Variants in ZNF600 observed in about 807,000 individuals in gnomAD.
ZNF600 encodes zinc finger protein 600, also known as zinc finger protein KR-ZNF1.
In ZNF600, 4 loss-of-function variants were observed where a neutral mutation model predicts 7.3. The ratio of observed to expected loss-of-function variants is 0.55; its 90% CI spans 0.27 to 1.25. The LOEUF is 1.25. ZNF600 is among the 50% of genes most tolerant of loss of function. The pLI is 0.12. For synonymous variants in ZNF600, 290 were observed against 308.9 expected, an observed-to-expected ratio of 0.94 and a Z score of 0.64; for missense variants, 911 against 922.1, an observed-to-expected ratio of 0.99 and a Z score of 0.16.
the ZNF600 span, among the ~76,000 whole-genome samples, chr19:52,828,756 C>CCTA: frequency 6.6e-6 from 1 of 152,308 alleles, no homozygotes; most frequent in South Asian, 2.1e-4. Context: ...GTTCAGAGTT[C>CCTA]TTATTCTCCA....
Position 52,774,658 on chromosome 19 carries a change from G to A in ZNF600, c.107C>T (p.Ala36Val), listed in dbSNP as rs1450625033. Reference sequence around the variant, plus strand: ...CGAAGGGTTCAGGCATTTCCACTCTGCCAATGAGAATTCTATAGCCACATC... The same window carrying A: ...CGAAGGGTTCAGGCATTTCCACTCTACCAATGAGAATTCTATAGCCACATC... The change falls in exon 3 of 4, where the codon GCA becomes GTA. Residue 36 changes from alanine (A) to valine (V), a missense_variant. Coordinates refer to ENST00000648973, the Ensembl canonical transcript of ZNF600. The A allele has an allele frequency of 3.0e-6, 3 of 985,112 alleles. No homozygotes were observed. The African/African-American group carries it at 5.3e-5, about 17-fold the overall frequency. 61.0% of individuals were successfully genotyped at this position (985,112 alleles called of 1,614,324 possible). A position where few individuals can be genotyped will look rare whatever the true frequency, so the allele number is the denominator to read the frequency against.
chr19:52,776,840 A>G (rs573201653), intron 2 of ZNF600, among the ~76,000 whole-genome samples: 2 of 152,214 alleles, frequency 1.3e-5, no homozygotes, highest in South Asian at 2.1e-4. Context: ...CACACATCAC[A>G]TCACGGCGTT....
upstream of ZNF600, among the ~76,000 whole-genome samples, chr19:52,789,924 G>A (rs887365145): frequency 1.1e-4 from 16 of 152,150 alleles, no homozygotes; most frequent in African/African-American, 3.6e-4. Context: ...GGTAGGTAAA[G>A]GAAAACTACA....
chr19:52,800,342 G>A, the ZNF600 span: 5 of 1,613,810 alleles, frequency 3.1e-6, no homozygotes, highest in Non-Finnish European at 4.2e-6. Context: ...GGAAAGCCTT[G>A]TCACAAACCT....
chr19:52,785,855 C>G (rs1326457855), intron 1 of ZNF600, among the ~76,000 whole-genome samples: 1 of 152,130 alleles, frequency 6.6e-6, no homozygotes, highest in Non-Finnish European at 1.5e-5. Context: ...ACCTTGCTGT[C>G]CTTCATCTTT....
chr19:52,815,652 A>G, the ZNF600 span, among the ~76,000 whole-genome samples: 4 of 146,096 alleles, frequency 2.7e-5, no homozygotes, highest in Non-Finnish European at 3.0e-5. Flanking sequence ...ATGAAACCCC[A>G]TCTCTACTAA....
rs1260990555 is a variant in ZNF600 at position 52,781,050 on chromosome 19, CGA to C, written c.-19-2145_-19-2144del. 6.6e-6 allele frequency: 1 copy of C among 151,948 alleles called. No homozygotes were observed. The highest frequency in any genetic ancestry group is 1.5e-5 in the Non-Finnish European group (1 of 68,032). 9.4% of individuals were successfully genotyped at this position (151,948 alleles called of 1,614,324 possible). A position where few individuals can be genotyped will look rare whatever the true frequency, so the allele number is the denominator to read the frequency against. On this transcript the variant is annotated intron_variant, in intron 1 of 3. An upstream open reading frame in the 5' UTR gains an earlier in-frame stop. Transcript: ENST00000648973. ...GACACAGGATTGTAGAGCTCAGGGG[CGA>C]GGCCTGCAGGGGACATGGAGTCATG...
At chr19:52,793,684 T>C in the ZNF600 span, among the ~76,000 whole-genome samples, 1 of 148,380 alleles carries the variant, frequency 6.7e-6, no homozygotes, top group African/African-American at 2.6e-5. Context: ...GGAGCATCGC[T>C]TGAACCCGGA....
chr19:52,807,818 G>C, the ZNF600 span: 1 of 1,009,146 alleles, frequency 9.9e-7, no homozygotes, highest in African/African-American at 1.6e-5. Context: ...AAGCTCCACT[G>C]AGCTATCATG....
the ZNF600 span, chr19:52,810,534 C>T: frequency 1.3e-6 from 2 of 1,597,058 alleles, no homozygotes; most frequent in Non-Finnish European, 1.7e-6. Flanking sequence ...CCAAAGCGAA[C>T]CAACAGACCA....
the ZNF600 span, among the ~76,000 whole-genome samples, chr19:52,806,910 A>G: frequency 6.6e-6 from 1 of 152,196 alleles, no homozygotes; most frequent in Non-Finnish European, 1.5e-5. Flanking sequence ...ATAAAAAAAG[A>G]GAGAAAGAAA....
At chr19:52,802,676 C>CA in the ZNF600 span, among the ~76,000 whole-genome samples, 3 of 150,296 alleles carry the variant, frequency 2.0e-5, no homozygotes, top group East Asian at 5.9e-4. Context: ...GACTCCATCT[C>CA]AAAAAAAGGA....
At chr19:52,812,762 T>TTAAA in the ZNF600 span, among the ~76,000 whole-genome samples, 21 of 75,430 alleles carry the variant, frequency 2.8e-4, no homozygotes, top group African/African-American at 5.1e-4. Context: ...GAATGATCAA[T>TTAAA]AAAAAAAAAA....
the ZNF600 span, among the ~76,000 whole-genome samples, chr19:52,811,154 G>A: frequency 4.0e-5 from 6 of 149,938 alleles, no homozygotes; most frequent in Non-Finnish European, 6.0e-5. Flanking sequence ...TCGGCCTCCC[G>A]AGGTGCCGGG....
the ZNF600 span, among the ~76,000 whole-genome samples, chr19:52,797,210 T>C: frequency 6.6e-6 from 1 of 152,182 alleles, no homozygotes; most frequent in Non-Finnish European, 1.5e-5. Flanking sequence ...CAAAAATAGT[T>C]AGAGAAGGAA....
At chr19:52,794,714 G>C in the ZNF600 span, among the ~76,000 whole-genome samples, 1 of 152,100 alleles carries the variant, frequency 6.6e-6, no homozygotes, top group Non-Finnish European at 1.5e-5. Flanking sequence ...AATTAGCCAG[G>C]TCTGGTGGTG....
chr19:52,807,930 A>G, the ZNF600 span: 1 of 1,600,782 alleles, frequency 6.2e-7, no homozygotes, highest in Non-Finnish European at 8.5e-7. Flanking sequence ...TTAGTCAAGT[A>G]AGGATGTGGC....
In ZNF600 at chr19:52,767,724, C is replaced by T. The variant is rs2062599752; in HGVS notation, c.239G>A (p.Gly80Asp). ...CCCTGTGTGGATCACTTCTGTATTG[C>T]CTTGCCCTGTTGACAAGACCTCCTT... Residue 80 changes from glycine (G) to aspartate (D), a missense_variant, in exon 4 of 4, where the codon GGC becomes GAC. Transcript: ENST00000648973. 3.8e-6 allele frequency: 6 copies of T among 1,599,734 alleles called. No individual in the cohort carries two copies. In the Admixed American group the frequency reaches 5.2e-5, roughly 14 times the overall value.
the ZNF600 span, among the ~76,000 whole-genome samples, chr19:52,822,074 C>CTTTTTTT: frequency 0.029 from 2,314 of 78,458 alleles, 72 homozygotes; most frequent in Non-Finnish European, 0.038. Context: ...TTCTTTTTCC[C>CTTTTTTT]TTTTTTTTTT....
Sources: allele counts gnomAD v4.1 joint callset (sites outside exome capture counted in the v4.1 genomes callset), GRCh38; gene constraint gnomAD v4.1.1; transcripts MANE v1.5; gene names NCBI Gene and HGNC (gene_info 2026-07-23, HGNC 2026-07-21).